The following CADPS variants were observed in gnomAD, a reference collection of about 807,000 sequenced individuals.
The protein encoded by CADPS is calcium-dependent secretion activator 1.
In CADPS, 57 loss-of-function variants were observed where a neutral mutation model predicts 167.3. The ratio of observed to expected loss-of-function variants is 0.34; its 90% CI spans 0.28 to 0.42. The LOEUF is 0.42. CADPS is among the 20% of genes least tolerant of loss of function. The pLI, the probability that CADPS is intolerant of heterozygous loss-of-function variation, is 1.00. For synonymous variants in CADPS, 676 were observed against 635.3 expected (o/e 1.06, Z -0.96); for missense variants, 1,414 against 1,738.1 (o/e 0.81, Z 3.32).
intron 1 of CADPS, among the ~76,000 whole-genome samples, chr3:62,792,185 A>G (rs920184592): frequency 6.6e-6 from 1 of 150,922 alleles, no homozygotes. Flanking sequence ...TCATGTGACT[A>G]ATGAAGGTGT....
At chr3:62,574,610 G>C (rs1209518974) in intron 8 of CADPS, among the ~76,000 whole-genome samples, 1 of 152,170 alleles carries the variant, frequency 6.6e-6, no homozygotes, top group African/African-American at 2.4e-5. Context: ...GCAGTAAATA[G>C]ACATAAGAGG....
chr3:62,645,674 A>T, intron 6 of CADPS, 48 bp downstream of exon 6: 1 of 1,603,598 alleles, frequency 6.2e-7, no homozygotes, highest in South Asian at 1.1e-5. Flanking sequence ...AAATGGAACT[A>T]ATGGCAGCAA....
At chr3:62,523,383 A>C (rs2071225435) in intron 13 of CADPS, among the ~76,000 whole-genome samples, 1 of 152,246 alleles carries the variant, frequency 6.6e-6, no homozygotes, top group Non-Finnish European at 1.5e-5. Flanking sequence ...AAGTGTGAAC[A>C]GTGTAGTCAA....
chr3:62,500,215 G>T (rs1209929043), intron 17 of CADPS: 1 of 152,192 alleles, frequency 6.6e-6, no homozygotes, highest in Admixed American at 6.5e-5. Flanking sequence ...GAGGGCAGTG[G>T]TGCGATCTCA....
intron 28 of CADPS, 34 bp from the exon 29 acceptor site, chr3:62,403,219 C>A: frequency 1.4e-6 from 2 of 1,399,106 alleles, no homozygotes; most frequent in East Asian, 2.3e-5. Flanking sequence ...CCAGCCAACA[C>A]ATCATGGAGC....
At chr3:62,581,415 T>C (rs1033041119) in intron 8 of CADPS, among the ~76,000 whole-genome samples, 1 of 92,632 alleles carries the variant, frequency 1.1e-5, no homozygotes, top group Non-Finnish European at 2.3e-5. Context: ...ATAATTAAAA[T>C]AAGGACATTA....
chr3:62,777,755 T>C (rs937217499), intron 1 of CADPS, among the ~76,000 whole-genome samples: 1 of 152,182 alleles, frequency 6.6e-6, no homozygotes, highest in Non-Finnish European at 1.5e-5. Context: ...CATGTGCACA[T>C]GGAGACCTTC....
chr3:62,634,956 T>A (rs2065988291), intron 6 of CADPS, among the ~76,000 whole-genome samples: 1 of 152,196 alleles, frequency 6.6e-6, no homozygotes. Context: ...CTTATGCACT[T>A]CTCTCTGTGA....
intron 9 of CADPS, among the ~76,000 whole-genome samples, chr3:62,570,528 A>G (rs2081092659): frequency 6.6e-6 from 1 of 152,216 alleles, no homozygotes; most frequent in African/African-American, 2.4e-5. Flanking sequence ...TCCCTTCTGG[A>G]ATCCTCCATC....
At chr3:62,741,203 G>A (rs1245780757) in intron 3 of CADPS, among the ~76,000 whole-genome samples, 1 of 152,160 alleles carries the variant, frequency 6.6e-6, no homozygotes, top group African/African-American at 2.4e-5. Flanking sequence ...GTACAAGGAA[G>A]AGCTGGTACC....
At chr3:62,752,928 G>A (rs504024) in intron 3 of CADPS, among the ~76,000 whole-genome samples, 30,503 of 152,270 alleles carry the variant, frequency 0.2, 3,856 homozygotes, top group African/African-American at 0.36. Context: ...GACCCAAGCA[G>A]AGCCTCAGCT....
At chr3:62,785,026 T>C (rs1038621670) in intron 1 of CADPS, among the ~76,000 whole-genome samples, 4 of 152,310 alleles carry the variant, frequency 2.6e-5, no homozygotes, top group Non-Finnish European at 5.9e-5. Flanking sequence ...CATATTATAA[T>C]ATCTATAAAT....
intron 9 of CADPS, among the ~76,000 whole-genome samples, chr3:62,567,772 A>C (rs1205821434): frequency 6.6e-6 from 1 of 151,426 alleles, no homozygotes; most frequent in African/African-American, 2.4e-5. Flanking sequence ...ATGGGTTTTC[A>C]CCATGTTGCC....
At chr3:62,519,064 T>G (rs2069749899) in intron 13 of CADPS, among the ~76,000 whole-genome samples, 1 of 152,142 alleles carries the variant, frequency 6.6e-6, no homozygotes, top group African/African-American at 2.4e-5. Flanking sequence ...ACCATTCAAG[T>G]TGAAAATATA....
intron 17 of CADPS, among the ~76,000 whole-genome samples, chr3:62,511,987 A>C (rs2067943586): frequency 6.6e-6 from 1 of 152,170 alleles, no homozygotes; most frequent in African/African-American, 2.4e-5. Flanking sequence ...ATGAGTCTTC[A>C]AATACTTATT....
At chr3:62,720,386 G>A (rs897462202) in intron 3 of CADPS, among the ~76,000 whole-genome samples, 1 of 151,064 alleles carries the variant, frequency 6.6e-6, no homozygotes, top group African/African-American at 2.4e-5. Context: ...AGACTGCAGT[G>A]CAGTGGTAAG....
intron 16 of CADPS, 145 bp from the exon 17 acceptor site, chr3:62,512,913 C>A: frequency 1.7e-6 from 1 of 573,682 alleles, no homozygotes; most frequent in Non-Finnish European, 2.9e-6. Context: ...TGGGTTCCCA[C>A]CGCCCCAAAG....
chr3:62,797,053 AG>A (rs1470565856), intron 1 of CADPS, among the ~76,000 whole-genome samples: 5 of 152,192 alleles, frequency 3.3e-5, no homozygotes, highest in Non-Finnish European at 1.5e-5. Context: ...GAAAAAGAGA[AG>A]TGAGATGCAT....
At chr3:62,553,740 A>G (rs542847089) in intron 10 of CADPS, among the ~76,000 whole-genome samples, 128 of 152,344 alleles carry the variant, frequency 8.4e-4, no homozygotes, top group African/African-American at 2.9e-3. Context: ...AGGAGATAGA[A>G]GAGCGACAGA....
Sources: allele counts gnomAD v4.1 joint callset (sites outside exome capture counted in the v4.1 genomes callset), GRCh38; gene constraint gnomAD v4.1.1; transcripts MANE v1.5; gene names NCBI Gene and HGNC (gene_info 2026-07-23, HGNC 2026-07-21).